The following TTPAL variants were observed in gnomAD, a reference collection of about 807,000 sequenced individuals.
The protein encoded by TTPAL is alpha-tocopherol transfer protein-like.
TTPAL carries 21 observed loss-of-function variants against 28.7 expected under a neutral mutation model. The observed-to-expected ratio is 0.73, with a 90% CI of 0.52 to 1.06. The LOEUF is 1.06. Ranked by LOEUF, TTPAL falls within the 50% of genes least tolerant of loss-of-function variation. The probability of loss-of-function intolerance (pLI) is 0.00; values close to 1 mark genes in which losing one functional copy is unlikely to be tolerated. For missense variants in TTPAL, 345 were observed against 425.5 expected, an observed-to-expected ratio of 0.81 and a Z score of 1.67; for synonymous variants, 169 against 171.9, an observed-to-expected ratio of 0.98 and a Z score of 0.13.
Position 44,486,611 on chromosome 20 carries a change from C to G in TTPAL, c.655C>G (p.Arg219Gly). 1 of 1,609,864 alleles carries G rather than the reference C, an allele frequency of 6.2e-7. No individual in the cohort carries two copies. Among genetic ancestry groups the G allele is most frequent in the Non-Finnish European group, 8.5e-7 (1 of 1,178,054 alleles). ...IGILQDGFPI[R>G]IKAVHVVNEP... ...TCCCACACAGGATGGTTTCCCCATT[C>G]GGATAAAAGCAGTCCATGTGGTGAA... Residue 219 changes from arginine to glycine, a missense_variant, in exon 4 of 5, where the codon CGG becomes GGG. Transcript: ENST00000262605.
In TTPAL at chr20:44,480,885, C is replaced by G. The variant is rs1251308308; in HGVS notation, c.445+441C>G. Reference sequence around the variant, plus strand: ...CTCAGCTCTCAGGTTTGCCTGACCACCAAATTAAGTTCCTCAATGCAGATT... The same window carrying G: ...CTCAGCTCTCAGGTTTGCCTGACCAGCAAATTAAGTTCCTCAATGCAGATT... On this transcript the variant is annotated intron_variant, in intron 2 of 4. Transcript: ENST00000262605. This position sits in a 1 kb window ranked among gnomAD's most constrained non-coding sequence, Gnocchi z 4.1. Among the ~76,000 whole-genome samples, 2 of 152,192 alleles carry G rather than the reference C, an allele frequency of 1.3e-5. No homozygotes were observed. Among genetic ancestry groups the G allele is most frequent in the African/African-American group, 4.8e-5 (2 of 41,448 alleles).
At chr20:44,479,418 T>C (rs1295603354) in intron 1 of TTPAL, among the ~76,000 whole-genome samples, 19 of 144,022 alleles carry the variant, frequency 1.3e-4, no homozygotes, top group Non-Finnish European at 1.6e-5. Context: ...TTTTTTTTTT[T>C]TTTTTTTTTT....
At chr20:44,476,366 C>G (rs951004742) in intron 1 of TTPAL, among the ~76,000 whole-genome samples, 1 of 152,200 alleles carries the variant, frequency 6.6e-6, no homozygotes, top group Admixed American at 6.5e-5. Context: ...TCCTGCTGAG[C>G]GCTCGGCACT....
chr20:44,486,349 T>A, intron 3 of TTPAL: 1 of 298,536 alleles, frequency 3.3e-6, no homozygotes, highest in East Asian at 6.0e-5. Flanking sequence ...CCCAAACTGC[T>A]GGGATTACAG....
At position 44,486,654 on chromosome 20, in the gene TTPAL, A is replaced by G; in HGVS notation, c.698A>G (p.Lys233Arg). The G allele has an allele frequency of 1.2e-6, 2 of 1,613,786 alleles. No homozygotes were observed. The highest frequency in any genetic ancestry group is 1.7e-6 in the Non-Finnish European group (2 of 1,179,874). The change falls in exon 4 of 5, where the codon AAA (lysine) becomes AGA (arginine). Residue 233 changes from lysine to arginine, a missense_variant. Coordinates refer to ENST00000262605, the MANE Select transcript of TTPAL (RefSeq NM_001039199.3). The stretch of plus-strand genomic sequence containing the variant: ...GTGGTGAATGAACCTCGAATATTTA[A>G]AGGCATTTTTGCCATCATAAAACCA... ...VHVVNEPRIF[K>R]GIFAIIKPFL...
At position 44,490,462 on chromosome 20, in the gene TTPAL, A is replaced by G. The variant is rs574153564; in HGVS notation, c.*921A>G. 3.3e-5 allele frequency: 5 copies of G among 152,476 alleles called. No individual in the cohort carries two copies. In the South Asian group the frequency reaches 6.2e-4, roughly 19 times the overall value. The allele number at this position is 152,476 out of a possible 1,614,324, so 9.4% of individuals were successfully genotyped here. A position where few individuals can be genotyped will look rare whatever the true frequency, so the allele number is the denominator to read the frequency against. On this transcript the variant is annotated 3_prime_UTR_variant, in exon 5 of 5. Transcript: ENST00000262605. ...TGAGGCTCTGGGATTTGGTTTAGTT[A>G]CTGAATGTTAGATTTTCTGCCTAGA...
rs2064235581 is a variant in TTPAL at position 44,494,382 on chromosome 20, A to T, written c.*4841A>T. On this transcript the variant is annotated 3_prime_UTR_variant, in exon 5 of 5. Transcript: ENST00000262605. ...TGGGAGGTGAGCTAATTCTCTGACC[A>T]GCTTGGGGCACTGTTTCAGCCACTG... The T allele has an allele frequency of 6.5e-6, 1 of 152,724 alleles. No homozygotes were observed. Among genetic ancestry groups the T allele is most frequent in the Non-Finnish European group, 1.5e-5 (1 of 68,016 alleles). The allele number at this position is 152,724 out of a possible 1,614,324, so 9.5% of individuals were successfully genotyped here.
At chr20:44,476,998 A>C (rs2064049855) in intron 1 of TTPAL, among the ~76,000 whole-genome samples, 2 of 152,338 alleles carry the variant, frequency 1.3e-5, no homozygotes, top group African/African-American at 4.8e-5. Context: ...GGAAGGATTC[A>C]CTGAGGTGGT....
In TTPAL at chr20:44,490,501, AGATAC is replaced by A. The variant is rs1339645597; in HGVS notation, c.*961_*965del. 6.6e-6 allele frequency: 1 copy of A among 152,356 alleles called. No homozygotes were observed. The highest frequency in any genetic ancestry group is 6.5e-5 in the Admixed American group (1 of 15,276). The allele number at this position is 152,356 out of a possible 1,614,324, so 9.4% of individuals were successfully genotyped here. A position where few individuals can be genotyped will look rare whatever the true frequency, so the allele number is the denominator to read the frequency against. Reference sequence around the variant, plus strand: ...TTTCTGCCTAGAAAGATAACTATCTAGATACAAGTGGTTGGATCCTGTTTTTGTTT... The same window carrying A: ...TTTCTGCCTAGAAAGATAACTATCTAAAGTGGTTGGATCCTGTTTTTGTTT... On this transcript the variant is annotated 3_prime_UTR_variant, in exon 5 of 5. Transcript: ENST00000262605.
chr20:44,492,531 T>C lies in TTPAL; in HGVS notation c.*2990T>C, dbSNP rs1055857387. The stretch of plus-strand genomic sequence containing the variant: ...TATACTCCAAACTTTATTCCTGGTA[T>C]CTAGTTGGCTTCACTGCCACAGACA... On this transcript the variant is annotated 3_prime_UTR_variant, in exon 5 of 5. Coordinates refer to ENST00000262605, the MANE Select transcript of TTPAL (RefSeq NM_001039199.3). The C allele has an allele frequency of 1.3e-5, 2 of 151,962 alleles. No individual in the cohort carries two copies. 9.4% of individuals were successfully genotyped at this position (151,962 alleles called of 1,614,324 possible).
At chr20:44,479,447 G>A (rs1051168790) in intron 1 of TTPAL, among the ~76,000 whole-genome samples, 2 of 120,646 alleles carry the variant, frequency 1.7e-5, no homozygotes, top group East Asian at 5.4e-4. Context: ...TGCTGTGGCT[G>A]GAGTGCAGCA....
In TTPAL at chr20:44,493,020, C is replaced by T. The variant is rs915654454; in HGVS notation, c.*3479C>T. 2.6e-5 allele frequency: 4 copies of T among 152,332 alleles called. No individual in the cohort carries two copies. The highest frequency in any genetic ancestry group is 9.7e-5 in the African/African-American group (4 of 41,438). The allele number at this position is 152,332 out of a possible 1,614,324, so 9.4% of individuals were successfully genotyped here. ...TTACAAGGCCGGGAGCGGTGGCTCA[C>T]ACCTGTAATCCCAACACTTTGAGCG... On this transcript the variant is annotated 3_prime_UTR_variant, in exon 5 of 5. Coordinates refer to ENST00000262605, the MANE Select transcript of TTPAL (RefSeq NM_001039199.3).
intron 2 of TTPAL, among the ~76,000 whole-genome samples, chr20:44,482,599 G>C (rs2064116560): frequency 6.8e-6 from 1 of 147,596 alleles, no homozygotes; most frequent in African/African-American, 2.5e-5. Context: ...AAAGTTTTTT[G>C]CACACATCAC....
At position 44,492,864 on chromosome 20, in the gene TTPAL, A is replaced by T. The variant is rs955501992; in HGVS notation, c.*3323A>T. The T allele has an allele frequency of 6.6e-6, 1 of 152,192 alleles. No individual in the cohort carries two copies. Among genetic ancestry groups the T allele is most frequent in the East Asian group, 1.9e-4 (1 of 5,328 alleles). The allele number at this position is 152,192 out of a possible 1,614,324, so 9.4% of individuals were successfully genotyped here. ...TTGGCAAAGGTCGCTTTATTTTTTA[A>T]TTTTTTTCCTTGCATTTTCTTTTTT... On this transcript the variant is annotated 3_prime_UTR_variant, in exon 5 of 5. Transcript: ENST00000262605.
At chr20:44,478,876 G>T (rs1156932667) in intron 1 of TTPAL, among the ~76,000 whole-genome samples, 1 of 151,972 alleles carries the variant, frequency 6.6e-6, no homozygotes, top group African/African-American at 2.4e-5. Flanking sequence ...TGCAAGCTCT[G>T]CCTCCCGGGT....
rs2064131927 is a variant in TTPAL at position 44,484,272 on chromosome 20, ATCTT to A, written c.446-63_446-60del. On this transcript the variant is annotated intron_variant, in intron 2 of 4. Transcript: ENST00000262605. Reference sequence around the variant, plus strand: ...AACAACAGTGATAGAAAGGAGATAAATCTTTGTTTGACCACTTATTTATATTAAC... The same window carrying A: ...AACAACAGTGATAGAAAGGAGATAAATGTTTGACCACTTATTTATATTAAC... 4 of 1,136,780 alleles carry A rather than the reference ATCTT, an allele frequency of 3.5e-6. No individual in the cohort carries two copies. In the African/African-American group the frequency reaches 4.6e-5, roughly 13 times the overall value. 70.4% of individuals were successfully genotyped at this position (1,136,780 alleles called of 1,614,324 possible). A position where few individuals can be genotyped will look rare whatever the true frequency, so the allele number is the denominator to read the frequency against.
Position 44,480,483 on chromosome 20 carries a change from CCTT to C in TTPAL, c.445+42_445+44del. On this transcript the variant is annotated intron_variant, in intron 2 of 4. Transcript: ENST00000262605. This position sits in a 1 kb window ranked among gnomAD's most constrained non-coding sequence, Gnocchi z 4.1. Reference sequence around the variant, plus strand: ...CTGTTGTGGGGTGTGTGTGTCCAGTCCTTCTGCAGTGTGTCCATTCAGCACCCT... The same window carrying C: ...CTGTTGTGGGGTGTGTGTGTCCAGTCCTGCAGTGTGTCCATTCAGCACCCT... The C allele has an allele frequency of 2.6e-6, 4 of 1,527,276 alleles. No individual in the cohort carries two copies. Among genetic ancestry groups the C allele is most frequent in the Non-Finnish European group, 3.5e-6 (4 of 1,135,536 alleles). 94.6% of individuals were successfully genotyped at this position (1,527,276 alleles called of 1,614,324 possible).
At position 44,489,541 on chromosome 20, in the gene TTPAL, G is replaced by A. The variant is rs2064185444; in HGVS notation, c.1029G>A (p.Ter343=). The A allele has an allele frequency of 6.2e-7, 1 of 1,611,482 alleles. No individual in the cohort carries two copies. The highest frequency in any genetic ancestry group is 1.1e-5 in the South Asian group (1 of 91,010). Reference sequence around the variant, plus strand: ...AGTCACAGCTGTACTCCTGCTACTAGCCCGTCCCCCAGGGTCACCATCTTT... The same window carrying A: ...AGTCACAGCTGTACTCCTGCTACTAACCCGTCCCCCAGGGTCACCATCTTT... ...AVKSQLYSCY[*] The change falls in exon 5 of 5, where the codon TAG becomes TAA. Residue 343 remains the stop codon, a stop_retained_variant. Transcript: ENST00000262605.
rs2064209251 is a variant in TTPAL at position 44,491,851 on chromosome 20, C to T, written c.*2310C>T. ...AAAAACTGGGTAAAGAGGAATGAATCACTCAGCCCTGATGTTTCAATTCTA... is the reference window on the plus strand; with the variant it reads ...AAAAACTGGGTAAAGAGGAATGAATTACTCAGCCCTGATGTTTCAATTCTA... On this transcript the variant is annotated 3_prime_UTR_variant, in exon 5 of 5. Coordinates refer to ENST00000262605, the MANE Select transcript of TTPAL (RefSeq NM_001039199.3). 1 of 152,394 alleles carries T rather than the reference C, an allele frequency of 6.6e-6. No homozygotes were observed. The highest frequency in any genetic ancestry group is 2.4e-5 in the African/African-American group (1 of 41,446). The allele number at this position is 152,394 out of a possible 1,614,324, so 9.4% of individuals were successfully genotyped here. A position where few individuals can be genotyped will look rare whatever the true frequency, so the allele number is the denominator to read the frequency against.
Sources: gnomAD v4.1 joint callset for allele counts (sites outside exome capture counted in the v4.1 genomes callset) on GRCh38, gnomAD v4.1.1 for gene constraint, Gnocchi (gnomAD v3.1) non-coding constraint, MANE v1.5 for transcripts, NCBI Gene and HGNC (gene_info 2026-07-23, HGNC 2026-07-21) for gene names.